The following MRPL1 variants were observed in gnomAD, a reference collection of about 807,000 sequenced individuals.
The protein encoded by MRPL1 is mitochondrial ribosomal protein L1, also known as large ribosomal subunit protein uL1m.
A neutral mutation model predicts 38.0 loss-of-function variants in MRPL1; 28 were observed. The ratio of observed to expected loss-of-function variants is 0.74; its 90% CI spans 0.55 to 1.01. The LOEUF (loss-of-function observed/expected upper bound fraction) is 1.01, where lower values mean the gene tolerates loss of function less well. Among genes scored for constraint, MRPL1 ranks in the 50% least tolerant of loss-of-function variants. The pLI is 0.00. For synonymous variants in MRPL1, 123 were observed against 126.7 expected, an observed-to-expected ratio of 0.97 and a Z score of 0.20; for missense variants, 358 against 389.8, an observed-to-expected ratio of 0.92 and a Z score of 0.69.
intron 7 of MRPL1, among the ~76,000 whole-genome samples, chr4:77,910,598 C>G (rs926296989): frequency 1.3e-5 from 2 of 152,116 alleles, no homozygotes; most frequent in African/African-American, 4.8e-5. Flanking sequence ...AGAAAACAAA[C>G]CAAACCAGAA....
Position 77,949,795 on chromosome 4 carries a change from A to T in MRPL1, c.778-2A>T. ...AATGTTATGTATATTATTTTCTTTC[A>T]GTTGGATATGTCAAGTGACCAGATA... On this transcript the variant is annotated splice_acceptor_variant, in intron 7 of 8. Coordinates refer to ENST00000315567, the MANE Select transcript of MRPL1 (RefSeq NM_020236.4). LOFTEE classifies it high-confidence loss of function. The T allele has an allele frequency of 6.3e-7, 1 of 1,587,032 alleles. No homozygotes were observed. The highest frequency in any genetic ancestry group is 8.6e-7 in the Non-Finnish European group (1 of 1,157,440).
chr4:77,948,662 T>C (rs984805514), intron 7 of MRPL1, among the ~76,000 whole-genome samples: 6 of 152,350 alleles, frequency 3.9e-5, no homozygotes, highest in African/African-American at 1.4e-4. Flanking sequence ...TTTCTCACAG[T>C]GCTCTCAGAG....
chr4:77,883,442 C>T lies in MRPL1; in HGVS notation c.344C>T (p.Thr115Ile). Residue 115 changes from threonine (T) to isoleucine (I), a missense_variant, in exon 3 of 9, where the codon ACT becomes ATT. Coordinates refer to ENST00000315567, the MANE Select transcript of MRPL1 (RefSeq NM_020236.4). The part of the protein sequence containing the change: ...LLKKFQILDF[T>I]SPKQSVYLDL... The stretch of plus-strand genomic sequence containing the variant: ...AAGAAATTTCAAATTCTTGACTTTA[C>T]TAGTCCAAAGCAAAGTGTTTATCTT... The T allele has an allele frequency of 6.2e-7, 1 of 1,613,886 alleles. No individual in the cohort carries two copies. The highest frequency in any genetic ancestry group is 8.5e-7 in the Non-Finnish European group (1 of 1,179,884).
intron 2 of MRPL1, among the ~76,000 whole-genome samples, chr4:77,881,305 C>A (rs1407354611): frequency 1.3e-5 from 2 of 152,070 alleles, no homozygotes; most frequent in African/African-American, 4.8e-5. Flanking sequence ...GTGACTGCCT[C>A]CCTCACCAGA....
intron 2 of MRPL1, among the ~76,000 whole-genome samples, chr4:77,876,285 T>A (rs1735396137): frequency 6.6e-6 from 1 of 152,210 alleles, no homozygotes. Flanking sequence ...TTTACTGTAT[T>A]TCTGGCTTAT....
chr4:77,869,473 A>AGTGGTATTTGGTTTCTTTTGGTCT (rs1735227168), intron 1 of MRPL1, among the ~76,000 whole-genome samples: 1 of 152,188 alleles, frequency 6.6e-6, no homozygotes, highest in Non-Finnish European at 1.5e-5. Context: ...CTACTTAAAT[A>AGTGGTATTTGGTTTCTTTTGGTCT]GTGGTATTTG....
At chr4:77,905,228 G>A (rs942998167) in intron 6 of MRPL1, among the ~76,000 whole-genome samples, 2 of 152,106 alleles carry the variant, frequency 1.3e-5, no homozygotes, top group Non-Finnish European at 2.9e-5. Context: ...TGGGCGCAGT[G>A]ACTCATGCCT....
intron 1 of MRPL1, among the ~76,000 whole-genome samples, chr4:77,870,002 G>T (rs2110228320): frequency 6.6e-6 from 1 of 152,178 alleles, no homozygotes; most frequent in Non-Finnish European, 1.5e-5. Flanking sequence ...GCCACCTCAA[G>T]CAATCCTCCC....
intron 6 of MRPL1, among the ~76,000 whole-genome samples, chr4:77,903,278 A>T (rs904434053): frequency 6.6e-6 from 1 of 152,226 alleles, no homozygotes; most frequent in Non-Finnish European, 1.5e-5. Context: ...TCTCAGATGC[A>T]GAGAAAGCAT....
intron 1 of MRPL1, 165 bp downstream of exon 1, chr4:77,863,044 T>C (rs995919686): frequency 2.5e-6 from 2 of 803,462 alleles, no homozygotes; most frequent in African/African-American, 1.7e-5. Context: ...AGTGACCTTA[T>C]GAAGGGTTTC....
intron 7 of MRPL1, among the ~76,000 whole-genome samples, chr4:77,938,186 A>G (rs187521495): frequency 5.9e-5 from 9 of 152,332 alleles, no homozygotes; most frequent in Middle Eastern, 3.4e-3. Flanking sequence ...TGTATTGTCT[A>G]TGATTTCTTT....
At chr4:77,944,196 G>GA (rs1737201169) in intron 7 of MRPL1, among the ~76,000 whole-genome samples, 1 of 152,162 alleles carries the variant, frequency 6.6e-6, no homozygotes, top group Non-Finnish European at 1.5e-5. Flanking sequence ...GCTCCAGGCT[G>GA]GTACTGGGGC....
intron 7 of MRPL1, 84 bp downstream of exon 7, chr4:77,909,456 C>T: frequency 3.5e-6 from 3 of 867,816 alleles, no homozygotes; most frequent in South Asian, 3.3e-5. Flanking sequence ...TATAAAATGC[C>T]AGTCATTTGA....
chr4:77,946,760 G>A (rs563115391), intron 7 of MRPL1, among the ~76,000 whole-genome samples: 3 of 152,156 alleles, frequency 2.0e-5, no homozygotes, highest in Non-Finnish European at 4.4e-5. Flanking sequence ...CTCTGTAGTA[G>A]TGGTTCTCAG....
intron 6 of MRPL1, chr4:77,908,459 C>G (rs1400786316): frequency 6.6e-6 from 1 of 152,434 alleles, no homozygotes; most frequent in East Asian, 1.9e-4. Flanking sequence ...TCTTGAACTC[C>G]TGACCTCAGG....
Position 77,952,568 on chromosome 4 carries a change from A to C in MRPL1, c.939A>C (p.Lys313Asn). ...TGAAGATTGATCCATTGTTGCCTAAAGAAGTAAAAAATGAAGAAAGTGAAA... is the reference window on the plus strand; with the variant it reads ...TGAAGATTGATCCATTGTTGCCTAACGAAGTAAAAAATGAAGAAAGTGAAA... Reference protein sequence around the residue: ...LLLKIDPLLPKEVKNEESEKE... With the variant: ...LLLKIDPLLPNEVKNEESEKE... The change falls in exon 9 of 9, where the codon AAA becomes AAC. Residue 313 changes from lysine to asparagine, a missense_variant. Physicochemically the swap from Lys to Asn is moderately conservative, Grantham distance 94 (BLOSUM62 0). Transcript: ENST00000315567. The C allele has an allele frequency of 6.2e-7, 1 of 1,612,832 alleles. No individual in the cohort carries two copies. The highest frequency in any genetic ancestry group is 8.5e-7 in the Non-Finnish European group (1 of 1,179,308).
intron 1 of MRPL1, among the ~76,000 whole-genome samples, chr4:77,865,098 C>T (rs997988705): frequency 2.0e-5 from 3 of 151,814 alleles, no homozygotes; most frequent in African/African-American, 7.3e-5. Context: ...CCATGTTGGC[C>T]AGGCTGGTCT....
chr4:77,886,914 C>T (rs1735690370), intron 4 of MRPL1, among the ~76,000 whole-genome samples: 1 of 151,200 alleles, frequency 6.6e-6, no homozygotes, highest in South Asian at 2.1e-4. Context: ...GCCTCAGCCT[C>T]CTGAGTAGCT....
chr4:77,899,935 T>C lies in MRPL1; in HGVS notation c.670+5685T>C, dbSNP rs946607359. 2.6e-5 allele frequency among the ~76,000 whole-genome samples: 4 copies of C among 152,316 alleles called. No individual in the cohort carries two copies. In the South Asian group the frequency reaches 6.2e-4, roughly 24 times the overall value. ...ATTGAAAAGCAGAGTAGAATAGTGG[T>C]TAGTATAGATCTCTCTTTGTCTTGT... On this transcript the variant is annotated intron_variant, in intron 6 of 8. Coordinates refer to ENST00000315567, the MANE Select transcript of MRPL1 (RefSeq NM_020236.4).
Sources: gnomAD v4.1 joint callset for allele counts (sites outside exome capture counted in the v4.1 genomes callset) on GRCh38, gnomAD v4.1.1 for gene constraint, MANE v1.5 for transcripts, NCBI Gene and HGNC (gene_info 2026-07-23, HGNC 2026-07-21) for gene names.